Variants in FAN1 observed in about 807,000 individuals in gnomAD.
FAN1 encodes FANCD2 and FANCI associated nuclease 1.
Under a neutral mutation model 104.9 loss-of-function variants are expected in FAN1, and 91 were observed. That is an observed-to-expected ratio of 0.87 (90% CI 0.73 to 1.03). FAN1 has a LOEUF of 1.03. FAN1 is among the 50% of genes least tolerant of loss of function. The probability of loss-of-function intolerance (pLI) is 0.00; values close to 1 mark genes in which losing one functional copy is unlikely to be tolerated. For missense variants in FAN1, 1,263 were observed against 1,239.9 expected (o/e 1.02, Z -0.28); for synonymous variants, 478 against 457.6 (o/e 1.04, Z -0.57).
At chr15:30,922,978 G>C (rs1465541022) in intron 8 of FAN1, among the ~76,000 whole-genome samples, 2 of 152,240 alleles carry the variant, frequency 1.3e-5, no homozygotes, top group Admixed American at 6.5e-5. Flanking sequence ...TGTGGGCTAG[G>C]CAGCAACAGT....
At chr15:30,936,518 T>A (rs1320418728) in intron 13 of FAN1, among the ~76,000 whole-genome samples, 1 of 152,222 alleles carries the variant, frequency 6.6e-6, no homozygotes, top group Non-Finnish European at 1.5e-5. Context: ...AAGAATCAGT[T>A]TACTCATCCT....
intron 9 of FAN1, among the ~76,000 whole-genome samples, chr15:30,925,524 C>G (rs1361296522): frequency 2.6e-5 from 4 of 152,180 alleles, no homozygotes; most frequent in African/African-American, 9.7e-5. Context: ...TGACAGATCT[C>G]CTGAATGGGG....
rs2062898893 is a variant in FAN1 at position 30,937,634 on chromosome 15, TAG to T, written c.*3+379_*3+380del. ...GCCTGGCTAAATTTTGTATTTTTAG[TAG>T]AGACGGGGTTTCACCATGTTGGTTG... On this transcript the variant is annotated intron_variant, in intron 14 of 14. Transcript: ENST00000362065. Among the ~76,000 whole-genome samples, 6 of 151,788 alleles carry T rather than the reference TAG, an allele frequency of 4.0e-5. No individual in the cohort carries two copies. The South Asian group carries it at 1.3e-3, about 32-fold the overall frequency.
intron 4 of FAN1, 55 bp downstream of exon 4, chr15:30,910,870 A>C: frequency 1.3e-6 from 2 of 1,557,978 alleles, no homozygotes; most frequent in Non-Finnish European, 1.7e-6. Context: ...AGCACATATT[A>C]ACTTACAGTA....
chr15:30,908,361 C>T (rs779949313), intron 3 of FAN1, 103 bp downstream of exon 3: 64 of 927,684 alleles, frequency 6.9e-5, no homozygotes, highest in Admixed American at 1.2e-4. Flanking sequence ...CGGGGTGGTG[C>T]CTGGTAACTT....
At chr15:30,911,277 T>G (rs542305628) in intron 4 of FAN1, 3 of 987,442 alleles carry the variant, frequency 3.0e-6, no homozygotes, top group African/African-American at 3.5e-5. Context: ...TTGACCTGTT[T>G]CAGTTGAAAA....
intron 13 of FAN1, 143 bp from the exon 14 acceptor site, chr15:30,936,976 T>C: frequency 1.5e-6 from 1 of 670,392 alleles, no homozygotes; most frequent in South Asian, 2.0e-5. Context: ...TGAAGGACCA[T>C]CCGTATATTT....
chr15:30,905,485 A>G lies in FAN1; in HGVS notation c.822A>G (p.Thr274=), dbSNP rs1460555180. The G allele has an allele frequency of 6.2e-7, 1 of 1,614,138 alleles. No individual in the cohort carries two copies. The highest frequency in any genetic ancestry group is 1.3e-5 in the African/African-American group (1 of 75,076). Residue 274 remains threonine (T), a synonymous_variant, in exon 2 of 15, where the codon ACA becomes ACG. Coordinates refer to ENST00000362065, the MANE Select transcript of FAN1 (RefSeq NM_014967.5). ...LFSPDFTLRN[T]LKSTSEDSLV... Reference sequence around the variant, plus strand: ...CACCAGATTTCACTCTTAGGAATACATTAAAGTCTACTTCAGAAGACAGTC... The same window carrying G: ...CACCAGATTTCACTCTTAGGAATACGTTAAAGTCTACTTCAGAAGACAGTC...
chr15:30,926,816 G>A (rs2062475668), intron 10 of FAN1: 11 of 985,390 alleles, frequency 1.1e-5, no homozygotes, highest in Non-Finnish European at 1.3e-5. Flanking sequence ...AAAAACACAC[G>A]ATTCCTTTCC....
Position 30,925,079 on chromosome 15 carries a change from G to T in FAN1, c.2173-48G>T, listed in dbSNP as rs751224544. On this transcript the variant is annotated intron_variant, in intron 8 of 14. Coordinates refer to ENST00000362065, the MANE Select transcript of FAN1 (RefSeq NM_014967.5). ...CTGTCAAACTAAATGCATGGAAGCC[G>T]CCATGGGTTTTTTTAGGAGCCTGAT... is the stretch of plus-strand genomic sequence containing the variant. The T allele has an allele frequency of 1.2e-5, 19 of 1,555,596 alleles. 1 individual carries two copies. The South Asian group carries it at 2.3e-4, about 19-fold the overall frequency.
chr15:30,933,671 CCTTA>C (rs2062773392), intron 13 of FAN1, among the ~76,000 whole-genome samples: 1 of 151,798 alleles, frequency 6.6e-6, no homozygotes, highest in South Asian at 2.1e-4. Context: ...TTGTCTGTGT[CCTTA>C]CTGATTTCTT....
At chr15:30,907,394 T>G (rs1394737293) in intron 2 of FAN1, among the ~76,000 whole-genome samples, 1 of 151,886 alleles carries the variant, frequency 6.6e-6, no homozygotes, top group Non-Finnish European at 1.5e-5. Context: ...GGTGGGCGCC[T>G]GTAATCCCAG....
intron 6 of FAN1, among the ~76,000 whole-genome samples, chr15:30,919,378 CAAAA>C (rs34395788): frequency 1.3e-5 from 1 of 75,126 alleles, no homozygotes. Context: ...AACTCCGTCT[CAAAA>C]AAAAAAAAAA....
chr15:30,928,160 A>G (rs1024692518), intron 10 of FAN1: 46 of 1,012,848 alleles, frequency 4.5e-5, no homozygotes, highest in Non-Finnish European at 5.2e-5. Context: ...CTCCGGCATC[A>G]GGGCCTGCAT....
At chr15:30,905,994 AGTCACTGTG>A in intron 2 of FAN1, 97 bp downstream of exon 2, 1 of 1,177,216 alleles carries the variant, frequency 8.5e-7, no homozygotes, top group Non-Finnish European at 1.2e-6. Flanking sequence ...GACCGCAAGG[AGTCACTGTG>A]GTGTTGTGAG....
chr15:30,914,068 C>G lies in FAN1; in HGVS notation c.1788C>G (p.Phe596Leu). 1.2e-6 allele frequency: 2 copies of G among 1,613,498 alleles called. No homozygotes were observed. The highest frequency in any genetic ancestry group is 1.7e-4 in the Middle Eastern group (1 of 6,060). ...CCATCAATCGGAAAACCCACATCTT[C>G]CAAGACAGAGATGATCTTATCAGGT... ...SYTINRKTHI[F>L]QDRDDLIRYA... The change falls in exon 5 of 15, where the codon TTC (phenylalanine) becomes TTG (leucine). Residue 596 changes from phenylalanine to leucine, a missense_variant. By Grantham distance (22) the Phe-to-Leu change is conservative (BLOSUM62 0). Coordinates refer to ENST00000362065, the MANE Select transcript of FAN1 (RefSeq NM_014967.5).
At chr15:30,927,762 G>C (rs1948822187) in intron 10 of FAN1, 2 of 985,892 alleles carry the variant, frequency 2.0e-6, no homozygotes, top group South Asian at 4.7e-5. Context: ...GATGTGCAGA[G>C]AAGTACGGAC....
chr15:30,913,337 C>G (rs554368789), intron 4 of FAN1, among the ~76,000 whole-genome samples: 1 of 152,210 alleles, frequency 6.6e-6, no homozygotes, highest in Admixed American at 6.5e-5. Context: ...GAAAAATTCT[C>G]TTCCATGAAA....
rs1423238876 is a variant in FAN1 at position 30,920,566 on chromosome 15, C to T, written c.1965C>T (p.Leu655=). ...TTAGATGCCACGAAGATTTACCACT[C>T]TTCCTGCGGTGTTTCACTGTTGGGT... ...PSLRCHEDLP[L]FLRCFTVGWI... is the part of the protein sequence containing the mutation. The change falls in exon 7 of 15, where the codon CTC becomes CTT. Residue 655 remains leucine, a synonymous_variant. Coordinates refer to ENST00000362065, the MANE Select transcript of FAN1 (RefSeq NM_014967.5). 20 of 1,611,774 alleles carry T rather than the reference C, an allele frequency of 1.2e-5. No individual in the cohort carries two copies. Among genetic ancestry groups the T allele is most frequent in the Non-Finnish European group, 1.7e-5 (20 of 1,178,840 alleles).
Sources: allele counts gnomAD v4.1 joint callset (sites outside exome capture counted in the v4.1 genomes callset), GRCh38; gene constraint gnomAD v4.1.1; transcripts MANE v1.5; gene names NCBI Gene and HGNC (gene_info 2026-07-23, HGNC 2026-07-21).